ZDHHC14: variants seen among roughly 807,000 people sequenced by gnomAD.
ZDHHC14 encodes the protein palmitoyltransferase ZDHHC14.
Under a neutral mutation model 47.7 loss-of-function variants are expected in ZDHHC14, and 16 were observed. That is an observed-to-expected ratio of 0.34 (90% confidence interval 0.23 to 0.51). ZDHHC14 has a LOEUF of 0.51. Among genes scored for constraint, ZDHHC14 ranks in the 20% least tolerant of loss-of-function variants. The probability of loss-of-function intolerance (pLI) is 0.97; values close to 1 mark genes in which losing one functional copy is unlikely to be tolerated. For missense variants in ZDHHC14, 515 were observed against 662.5 expected, an observed-to-expected ratio of 0.78 and a Z score of 2.44; for synonymous variants, 293 against 278.9, an observed-to-expected ratio of 1.05 and a Z score of -0.50.
At chr6:157,632,600 T>A (rs1785793859) in intron 4 of ZDHHC14, 1 of 570,180 alleles carries the variant, frequency 1.8e-6, no homozygotes, top group African/African-American at 1.9e-5. Flanking sequence ...ATCCATCTGC[T>A]TTTATTGAAA....
In ZDHHC14 at chr6:157,673,017, C is replaced by G; in HGVS notation, c.1362C>G (p.Gly454=). The G allele has an allele frequency of 6.4e-7, 1 of 1,569,156 alleles. No homozygotes were observed. The highest frequency in any genetic ancestry group is 8.6e-7 in the Non-Finnish European group (1 of 1,163,224). ...APSPPRLLAA[G]SPLAHSRTMH... Reference sequence around the variant, plus strand: ...CGCCCCCCAGGCTACTGGCGGCGGGCAGCCCCCTGGCGCACAGCCGCACCA... The same window carrying G: ...CGCCCCCCAGGCTACTGGCGGCGGGGAGCCCCCTGGCGCACAGCCGCACCA... The change falls in exon 9 of 9, where the codon GGC becomes GGG. Residue 454 remains glycine (G), a synonymous_variant. Transcript: ENST00000359775. This position sits in a 1 kb window ranked among gnomAD's most constrained non-coding sequence, Gnocchi z 5.4.
intron 3 of ZDHHC14, among the ~76,000 whole-genome samples, chr6:157,605,824 C>T (rs953319316): frequency 3.3e-5 from 5 of 152,010 alleles, no homozygotes; most frequent in East Asian, 1.9e-4. Context: ...GTAGGGGGCA[C>T]GCAGGAGAGG....
At chr6:157,415,799 G>A (rs1225487734) in intron 1 of ZDHHC14, among the ~76,000 whole-genome samples, 1 of 151,984 alleles carries the variant, frequency 6.6e-6, no homozygotes, top group Non-Finnish European at 1.5e-5. Flanking sequence ...GCTTGAACCT[G>A]GGAGGCAGAG....
chr6:157,504,449 ATT>A (rs35677570), intron 1 of ZDHHC14, among the ~76,000 whole-genome samples: 61 of 96,468 alleles, frequency 6.3e-4, no homozygotes, highest in South Asian at 1.0e-3. Flanking sequence ...CACCCAGCCT[ATT>A]TTTTTTTTTT....
In ZDHHC14 at chr6:157,628,444, A is replaced by G. The variant is rs1018990724; in HGVS notation, c.661A>G (p.Thr221Ala). ...YMFILSLSFLTVFIFAFVITH... is the reference protein window; with the variant it reads ...YMFILSLSFLAVFIFAFVITH... Reference sequence around the variant, plus strand: ...GTTTATTTTATCTCTGTCTTTTCTGACAGTCTTTATATTTGCATTCGTTAT... The same window carrying G: ...GTTTATTTTATCTCTGTCTTTTCTGGCAGTCTTTATATTTGCATTCGTTAT... Residue 221 changes from threonine (T) to alanine (A), a missense_variant, in exon 4 of 9, where the codon ACA becomes GCA. Thr to Ala is a moderately conservative substitution (Grantham distance 58, BLOSUM62 0). Transcript: ENST00000359775. 6.2e-7 allele frequency: 1 copy of G among 1,612,930 alleles called. No individual in the cohort carries two copies. The highest frequency in any genetic ancestry group is 8.5e-7 in the Non-Finnish European group (1 of 1,179,806).
chr6:157,647,181 C>T, intron 6 of ZDHHC14, 78 bp from the exon 7 acceptor site: 1 of 919,706 alleles, frequency 1.1e-6, no homozygotes, highest in South Asian at 1.7e-5. Context: ...TCTTTATGAG[C>T]CTCTCATGGT....
At chr6:157,403,781 C>T (rs899311758) in intron 1 of ZDHHC14, among the ~76,000 whole-genome samples, 1 of 152,240 alleles carries the variant, frequency 6.6e-6, no homozygotes, top group Non-Finnish European at 1.5e-5. Context: ...GACACCATAA[C>T]ATAGACGCTG....
chr6:157,604,364 C>T (rs922167926), intron 3 of ZDHHC14, among the ~76,000 whole-genome samples: 4 of 151,774 alleles, frequency 2.6e-5, no homozygotes, highest in South Asian at 2.1e-4. Flanking sequence ...TATGCAAACA[C>T]TACTCCATTT....
intron 3 of ZDHHC14, among the ~76,000 whole-genome samples, chr6:157,603,245 G>A (rs1206904632): frequency 1.3e-5 from 2 of 152,214 alleles, no homozygotes; most frequent in Non-Finnish European, 2.9e-5. Flanking sequence ...GCACGTAGAG[G>A]GCAAAGAAAT....
At chr6:157,413,701 G>A (rs764709545) in intron 1 of ZDHHC14, among the ~76,000 whole-genome samples, 13 of 150,622 alleles carry the variant, frequency 8.6e-5, no homozygotes, top group African/African-American at 2.9e-4. Flanking sequence ...TCTTTTTTCC[G>A]TCTAAAGCCT....
chr6:157,556,104 A>G (rs377760568), intron 2 of ZDHHC14, among the ~76,000 whole-genome samples: 1 of 152,136 alleles, frequency 6.6e-6, no homozygotes, highest in Admixed American at 6.5e-5. Flanking sequence ...TGAACAGGAA[A>G]ATATGGGGAC....
intron 1 of ZDHHC14, among the ~76,000 whole-genome samples, chr6:157,496,513 G>T (rs1306301067): frequency 6.6e-6 from 1 of 152,186 alleles, no homozygotes; most frequent in Non-Finnish European, 1.5e-5. Context: ...ATTCATATGG[G>T]TAGACCCTAA....
intron 2 of ZDHHC14, among the ~76,000 whole-genome samples, chr6:157,563,080 A>G (rs9457807): frequency 0.62 from 93,526 of 151,600 alleles, 30,442 homozygotes; most frequent in African/African-American, 0.85. Context: ...ACAAGGGCCT[A>G]GTGTCTCCCA....
intron 3 of ZDHHC14, among the ~76,000 whole-genome samples, chr6:157,611,921 C>T (rs1256997452): frequency 6.6e-6 from 1 of 152,110 alleles, no homozygotes; most frequent in Non-Finnish European, 1.5e-5. Flanking sequence ...TCTCTTTCTG[C>T]CAGGCTTATG....
In ZDHHC14 at chr6:157,645,780, G is replaced by T. The variant is rs537154606; in HGVS notation, c.796G>T (p.Val266Phe). 6.2e-6 allele frequency: 10 copies of T among 1,614,098 alleles called. No individual in the cohort carries two copies. The South Asian group carries it at 6.6e-5, about 11-fold the overall frequency. The change falls in exon 6 of 9, where the codon GTT becomes TTT. Residue 266 changes from valine (V) to phenylalanine (F), a missense_variant. This residue lies in a region of ZDHHC14 where 229 missense variants were observed against 351.5 expected (regional missense o/e 0.65). Coordinates refer to ENST00000359775, the MANE Select transcript of ZDHHC14 (RefSeq NM_024630.3). ...GTGCTTCTTCTCTGTCTGGTCCATCGTTGGCCTCTCAGGATTCCACACCTA... is the reference window on the plus strand; with the variant it reads ...GTGCTTCTTCTCTGTCTGGTCCATCTTTGGCCTCTCAGGATTCCACACCTA... ...VVCFFSVWSI[V>F]GLSGFHTYLI...
intron 3 of ZDHHC14, among the ~76,000 whole-genome samples, chr6:157,601,517 T>C (rs151268127): frequency 6.6e-6 from 1 of 152,340 alleles, no homozygotes; most frequent in Non-Finnish European, 1.5e-5. Context: ...TAAAATAGCA[T>C]ACTATGTATC....
chr6:157,439,904 C>T (rs549679441), intron 1 of ZDHHC14, among the ~76,000 whole-genome samples: 2 of 152,116 alleles, frequency 1.3e-5, no homozygotes, highest in South Asian at 2.1e-4. Context: ...CAAACTAATG[C>T]GTGAACAGGA....
At chr6:157,549,713 G>A (rs1782143678) in intron 2 of ZDHHC14, among the ~76,000 whole-genome samples, 1 of 152,142 alleles carries the variant, frequency 6.6e-6, no homozygotes, top group South Asian at 2.1e-4. Context: ...ATGGTATTTG[G>A]GGAAATACCA....
chr6:157,466,939 G>C (rs1054367817), intron 1 of ZDHHC14, among the ~76,000 whole-genome samples: 2 of 152,060 alleles, frequency 1.3e-5, no homozygotes, highest in East Asian at 3.8e-4. Flanking sequence ...GGTGGGAACT[G>C]CGCAGTAGCT....
Sources: gnomAD v4.1 joint callset for allele counts (sites outside exome capture counted in the v4.1 genomes callset) on GRCh38, gnomAD v4.1.1 for gene constraint, gnomAD v4.1.1 regional missense constraint, Gnocchi (gnomAD v3.1) non-coding constraint, MANE v1.5 for transcripts, NCBI Gene and HGNC (gene_info 2026-07-23, HGNC 2026-07-21) for gene names.